NVL: variants seen among roughly 807,000 people sequenced by gnomAD.
NVL encodes the protein nuclear valosin-containing protein-like.
In NVL, 84 loss-of-function variants were observed where a neutral mutation model predicts 110.2. That is an observed-to-expected ratio of 0.76 (90% confidence interval 0.64 to 0.91). The LOEUF (loss-of-function observed/expected upper bound fraction) is 0.91, where lower values mean the gene tolerates loss of function less well. Ranked by LOEUF, NVL falls within the 40% of genes least tolerant of loss-of-function variation. The pLI is 0.00. For synonymous variants in NVL, 354 were observed against 361.1 expected (o/e 0.98, Z 0.22); for missense variants, 882 against 1,035.9 (o/e 0.85, Z 2.04).
chr1:224,308,015 A>G lies in NVL; in HGVS notation c.591T>C (p.Pro197=). ...CCTGTATCTCAGTTATTGGCTTCTT[A>G]GGATTACTTTTCTCACATGACAGGT... The part of the protein sequence containing the change: ...FLDLSCEKSN[P]KKPITEIQDS... The change falls in exon 6 of 23, where the codon CCT becomes CCC. Residue 197 remains proline, a synonymous_variant. Transcript: ENST00000281701. 6.5e-7 allele frequency: 1 copy of G among 1,541,100 alleles called. No homozygotes were observed. Among genetic ancestry groups the G allele is most frequent in the Non-Finnish European group, 8.7e-7 (1 of 1,147,614 alleles).
chr1:224,242,669 T>C (rs1246422138), intron 19 of NVL, among the ~76,000 whole-genome samples: 1 of 151,812 alleles, frequency 6.6e-6, no homozygotes, highest in Admixed American at 6.6e-5. Context: ...GCTTTCACCA[T>C]ATTGGTCAAG....
intron 13 of NVL, 51 bp downstream of exon 13, chr1:224,289,433 T>G: frequency 6.3e-7 from 1 of 1,592,094 alleles, no homozygotes; most frequent in Non-Finnish European, 8.6e-7. Context: ...CAATGTAAGA[T>G]AACACAAAGA....
At chr1:224,314,268 A>G (rs577649244) in intron 4 of NVL, among the ~76,000 whole-genome samples, 12 of 152,380 alleles carry the variant, frequency 7.9e-5, no homozygotes, top group African/African-American at 2.6e-4. Flanking sequence ...GTAAAGCAGT[A>G]AAGAGTTATT....
chr1:224,261,788 C>CA (rs1366528490), intron 18 of NVL, among the ~76,000 whole-genome samples: 1 of 151,146 alleles, frequency 6.6e-6, no homozygotes. Context: ...GTCATCTCTA[C>CA]AAAAAAGTTT....
At chr1:224,294,771 C>T (rs2102656236) in intron 11 of NVL, among the ~76,000 whole-genome samples, 1 of 152,204 alleles carries the variant, frequency 6.6e-6, no homozygotes, top group South Asian at 2.1e-4. Context: ...GAGGTGGTAA[C>T]ATTTCAGAAA....
intron 18 of NVL, among the ~76,000 whole-genome samples, chr1:224,263,993 C>T (rs977435610): frequency 6.6e-6 from 1 of 152,008 alleles, no homozygotes; most frequent in Non-Finnish European, 1.5e-5. Flanking sequence ...CCAGTCTGGG[C>T]GACAGAGCAA....
chr1:224,250,985 A>G (rs1253235165), intron 18 of NVL, among the ~76,000 whole-genome samples: 2 of 152,010 alleles, frequency 1.3e-5, no homozygotes, highest in East Asian at 3.9e-4. Flanking sequence ...TAAAAAATGC[A>G]ATTAACGGCT....
chr1:224,305,474 C>T (rs865991017), intron 6 of NVL: 4 of 233,216 alleles, frequency 1.7e-5, no homozygotes, highest in Admixed American at 5.5e-5. Context: ...GTGAAGCATC[C>T]CATATGGGGA....
At chr1:224,242,827 T>G (rs1424680469) in intron 19 of NVL, among the ~76,000 whole-genome samples, 2 of 82,618 alleles carry the variant, frequency 2.4e-5, no homozygotes, top group African/African-American at 9.9e-5. Context: ...TTAATGCTTG[T>G]TTTTTTTTTT....
chr1:224,236,750 C>T (rs1352411114), intron 19 of NVL, 168 bp from the exon 20 acceptor site: 7 of 516,626 alleles, frequency 1.4e-5, no homozygotes, highest in African/African-American at 1.9e-5. Context: ...ATCTCTACTA[C>T]AAATACAAAA....
At chr1:224,315,860 T>C (rs997786097) in intron 4 of NVL, among the ~76,000 whole-genome samples, 1 of 152,156 alleles carries the variant, frequency 6.6e-6, no homozygotes, top group Non-Finnish European at 1.5e-5. Flanking sequence ...GCTTAATTTG[T>C]AATAGCCAGA....
In NVL at chr1:224,286,053, A is replaced by G; in HGVS notation, c.1872T>C (p.Pro624=). ...TCGCCAGCAGAGTCTTCCCACAGCC[A>G]GGAGGACCAGCAAGGAGGACCCCAG... ...TPAGVLLAGP[P]GCGKTLLAKA... Residue 624 remains proline (P), a synonymous_variant, in exon 15 of 23, where the codon CCT becomes CCC. Coordinates refer to ENST00000281701, the MANE Select transcript of NVL (RefSeq NM_002533.4). The G allele has an allele frequency of 1.2e-6, 2 of 1,614,062 alleles. No individual in the cohort carries two copies. The highest frequency in any genetic ancestry group is 1.7e-6 in the Non-Finnish European group (2 of 1,179,944).
chr1:224,286,154 G>A lies in NVL; in HGVS notation c.1795-24C>T, dbSNP rs780036875. ...GCCTGGAAATAATGATACAAACGGC[G>A]ATCCATTACATGTCCATTTTATACT... On this transcript the variant is annotated intron_variant, in intron 14 of 22. Coordinates refer to ENST00000281701, the MANE Select transcript of NVL (RefSeq NM_002533.4). 2.5e-5 allele frequency: 38 copies of A among 1,516,134 alleles called. No individual in the cohort carries two copies. In the Admixed American group the frequency reaches 5.2e-4, roughly 21 times the overall value. The allele number at this position is 1,516,134 out of a possible 1,614,324, so 93.9% of individuals were successfully genotyped here. A position where few individuals can be genotyped will look rare whatever the true frequency, so the allele number is the denominator to read the frequency against.
At chr1:224,317,651 T>A in intron 4 of NVL, 43 bp downstream of exon 4, 1 of 1,167,674 alleles carries the variant, frequency 8.6e-7, no homozygotes, top group Admixed American at 1.8e-5. Flanking sequence ...TGTAACATGA[T>A]AAAGTTCATG....
rs1193834293 is a variant in NVL, at chr1:224,308,038, G to A, written c.568C>T (p.Leu190=). 6.3e-7 allele frequency: 1 copy of A among 1,581,366 alleles called. No homozygotes were observed. The highest frequency in any genetic ancestry group is 8.6e-7 in the Non-Finnish European group (1 of 1,166,158). The part of the protein sequence containing the change: ...SVKKDSFFLD[L]SCEKSNPKKP... ...TTAGGATTACTTTTCTCACATGACAGGTCCAAGAAAAAACTGTCTTTCTTT... is the reference window on the plus strand; with the variant it reads ...TTAGGATTACTTTTCTCACATGACAAGTCCAAGAAAAAACTGTCTTTCTTT... The change falls in exon 6 of 23, where the codon CTG becomes TTG. Residue 190 remains leucine, a synonymous_variant. Transcript: ENST00000281701.
intron 20 of NVL, among the ~76,000 whole-genome samples, chr1:224,234,104 T>G (rs1660200188): frequency 6.6e-6 from 1 of 152,202 alleles, no homozygotes; most frequent in Non-Finnish European, 1.5e-5. Flanking sequence ...AAGTCTTTAA[T>G]GCACCTGATT....
At chr1:224,308,501 G>T (rs1464921557) in intron 5 of NVL, among the ~76,000 whole-genome samples, 1 of 151,270 alleles carries the variant, frequency 6.6e-6, no homozygotes, top group East Asian at 2.0e-4. Context: ...GACCAGCCTA[G>T]CCAACATGGT....
At chr1:224,326,880 T>G (rs1246969977) in intron 1 of NVL, among the ~76,000 whole-genome samples, 1 of 152,140 alleles carries the variant, frequency 6.6e-6, no homozygotes, top group African/African-American at 2.4e-5. Flanking sequence ...TTAAATCACC[T>G]TTTGGCTGGG....
At chr1:224,236,920 G>A (rs746195482) in intron 19 of NVL, among the ~76,000 whole-genome samples, 4 of 152,006 alleles carry the variant, frequency 2.6e-5, no homozygotes, top group African/African-American at 7.2e-5. Flanking sequence ...CAAAGATAAA[G>A]ACCATATTCA....
Sources: allele counts gnomAD v4.1 joint callset (sites outside exome capture counted in the v4.1 genomes callset), GRCh38; gene constraint gnomAD v4.1.1; transcripts MANE v1.5; gene names NCBI Gene and HGNC (gene_info 2026-07-23, HGNC 2026-07-21).